Variants in GAS2 observed in about 807,000 individuals in gnomAD.
GAS2 encodes the protein growth arrest specific 2, also known as growth arrest-specific protein 2.
Under a neutral mutation model 37.5 loss-of-function variants are expected in GAS2, and 20 were observed. The ratio of observed to expected loss-of-function variants is 0.53; its 90% confidence interval spans 0.37 to 0.77. The LOEUF is 0.77. GAS2 is among the 30% of genes least tolerant of loss of function. GAS2 has a pLI of 0.00. For synonymous variants in GAS2, 144 were observed against 132.2 expected (o/e 1.09, Z -0.61); for missense variants, 336 against 373.4 (o/e 0.90, Z 0.82).
chr11:22,764,281 C>A (rs1202318116), intron 7 of GAS2, among the ~76,000 whole-genome samples: 3 of 152,088 alleles, frequency 2.0e-5, no homozygotes, highest in Admixed American at 6.5e-5. Context: ...AGAAAGACGG[C>A]CGGGCACGGC....
At chr11:22,637,258 A>AAC (rs1858840905) in intron 1 of GAS2, among the ~76,000 whole-genome samples, 2 of 12,428 alleles carry the variant, frequency 1.6e-4, no homozygotes, top group Non-Finnish European at 2.5e-4. Flanking sequence ...ATAGTATACT[A>AAC]ATATATTAAT....
At chr11:22,677,311 G>A (rs1849474246) in intron 2 of GAS2, among the ~76,000 whole-genome samples, 1 of 152,048 alleles carries the variant, frequency 6.6e-6, no homozygotes, top group African/African-American at 2.4e-5. Context: ...AGGAGGGAAG[G>A]GCATGTGTTG....
chr11:22,649,695 T>A (rs1338687995), intron 1 of GAS2, among the ~76,000 whole-genome samples: 3 of 152,232 alleles, frequency 2.0e-5, no homozygotes, highest in African/African-American at 7.2e-5. Flanking sequence ...ATTTTCTAGT[T>A]TATTTGCATA....
rs78360758 is a variant in GAS2, at chr11:22,658,803, T to C, written c.-20-16047T>C. 3.6e-3 allele frequency among the ~76,000 whole-genome samples: 546 copies of C among 152,302 alleles called. 2 individuals carry two copies. Among genetic ancestry groups the C allele is most frequent in the African/African-American group, 0.012 (487 of 41,562 alleles). ...AGATCTCCCTGACTTTTATCTCCTC[T>C]CCTCTCATTTATTGATTCTGCCATA... is the stretch of plus-strand genomic sequence containing the variant. On this transcript the variant is annotated intron_variant, in intron 1 of 5. Transcript: ENST00000528582.
intron 7 of GAS2, among the ~76,000 whole-genome samples, chr11:22,802,512 C>T (rs1856713224): frequency 6.7e-6 from 1 of 150,084 alleles, no homozygotes; most frequent in Non-Finnish European, 1.5e-5. Flanking sequence ...TTTTTTTCCC[C>T]CTTCAGAATT....
At chr11:22,725,126 A>G (rs2134159854) in intron 3 of GAS2, among the ~76,000 whole-genome samples, 1 of 152,210 alleles carries the variant, frequency 6.6e-6, no homozygotes, top group South Asian at 2.1e-4. Context: ...AAAGAATTAC[A>G]TTCTTTAGCT....
intron 3 of GAS2, among the ~76,000 whole-genome samples, chr11:22,720,812 A>G (rs1045198450): frequency 8.5e-5 from 13 of 152,098 alleles, no homozygotes; most frequent in African/African-American, 2.7e-4. Flanking sequence ...AACTACCAGT[A>G]TTAAATTTTC....
intron 7 of GAS2, among the ~76,000 whole-genome samples, chr11:22,762,218 T>C (rs1854430509): frequency 1.3e-5 from 2 of 152,176 alleles, no homozygotes; most frequent in South Asian, 4.1e-4. Context: ...TACCTTCAAA[T>C]TCCATTTGGA....
chr11:22,807,384 C>T lies in GAS2; in HGVS notation c.724-4414C>T, dbSNP rs117688051. On this transcript the variant is annotated intron_variant, in intron 7 of 7. Coordinates refer to ENST00000454584, the MANE Select transcript of GAS2 (RefSeq NM_001143830.3). ...GGTGTCCGTATAAGGCAGTGTCTCA[C>T]GTAAGATGTTTTAAAGGAAGTTGCA... Among the ~76,000 whole-genome samples the T allele has an allele frequency of 6.2e-4, 95 of 152,260 alleles. 1 individual carries two copies. The East Asian group carries it at 0.014, about 23-fold the overall frequency.
chr11:22,696,514 C>T (rs1438137700), intron 3 of GAS2, among the ~76,000 whole-genome samples: 13 of 152,026 alleles, frequency 8.6e-5, no homozygotes, highest in Non-Finnish European at 1.3e-4. Flanking sequence ...TGAGGAATCG[C>T]CACACTGACT....
intron 5 of GAS2, among the ~76,000 whole-genome samples, chr11:22,741,490 G>T (rs1025092406): frequency 1.3e-5 from 2 of 151,944 alleles, no homozygotes; most frequent in Admixed American, 1.3e-4. Context: ...TTCGTTTAGG[G>T]TCATAATCAA....
intron 7 of GAS2, among the ~76,000 whole-genome samples, chr11:22,779,852 C>A (rs972837864): frequency 1.3e-5 from 2 of 152,162 alleles, no homozygotes; most frequent in Non-Finnish European, 2.9e-5. Flanking sequence ...CTACAACCAA[C>A]CAACCTTCCT....
In GAS2 at chr11:22,747,906, C is replaced by T. The variant is rs140603266; in HGVS notation, c.474-1214C>T. ...AACAAAACATCAAGAATAGGGAAAT[C>T]GCTTTCCCCTCGGAGTATGTACTGA... On this transcript the variant is annotated intron_variant, in intron 5 of 7. Coordinates refer to ENST00000454584, the MANE Select transcript of GAS2 (RefSeq NM_001143830.3). Among the ~76,000 whole-genome samples, 660 of 152,148 alleles carry T rather than the reference C, an allele frequency of 4.3e-3. 3 individuals are homozygous for T. The highest frequency in any genetic ancestry group is 0.024 in the Middle Eastern group (7 of 294).
intron 7 of GAS2, among the ~76,000 whole-genome samples, chr11:22,807,894 A>G (rs775731857): frequency 1.8e-4 from 28 of 152,170 alleles, no homozygotes; most frequent in Non-Finnish European, 4.1e-4. Flanking sequence ...TGCAGATGTG[A>G]TGATCTGGTA....
intron 1 of GAS2, among the ~76,000 whole-genome samples, chr11:22,629,477 T>C (rs2133803126): frequency 6.6e-6 from 1 of 152,352 alleles, no homozygotes; most frequent in African/African-American, 2.4e-5. Flanking sequence ...TATTGTTCTT[T>C]GACTTTTTAA....
At chr11:22,755,805 C>T in intron 6 of GAS2, 41 bp from the exon 7 acceptor site, 2 of 1,443,730 alleles carry the variant, frequency 1.4e-6, no homozygotes, top group Non-Finnish European at 1.9e-6. Context: ...ATAAATGCAG[C>T]CTAATTAAGA....
chr11:22,727,800 T>C (rs1354511423), intron 4 of GAS2, among the ~76,000 whole-genome samples: 2 of 152,036 alleles, frequency 1.3e-5, no homozygotes, highest in African/African-American at 4.8e-5. Context: ...AGTCCTGTGG[T>C]TAATTTACAG....
At chr11:22,768,103 A>C (rs1273757201) in intron 7 of GAS2, among the ~76,000 whole-genome samples, 1 of 152,238 alleles carries the variant, frequency 6.6e-6, no homozygotes, top group Non-Finnish European at 1.5e-5. Flanking sequence ...CTGGGTGTAC[A>C]GTGTTTCATG....
chr11:22,717,237 G>T (rs149466695), intron 3 of GAS2, among the ~76,000 whole-genome samples: 1 of 152,062 alleles, frequency 6.6e-6, no homozygotes, highest in South Asian at 2.1e-4. Context: ...CACATTACCC[G>T]ATTTCAAATA....
Sources: allele counts gnomAD v4.1 joint callset (sites outside exome capture counted in the v4.1 genomes callset), GRCh38; gene constraint gnomAD v4.1.1; transcripts MANE v1.5; gene names NCBI Gene and HGNC (gene_info 2026-07-23, HGNC 2026-07-21).